The following CCDC178 variants were observed in gnomAD, a reference collection of about 807,000 sequenced individuals.
The protein encoded by CCDC178 is coiled-coil domain containing 178.
CCDC178 carries 126 observed loss-of-function variants against 117.4 expected under a neutral mutation model. The ratio of observed to expected loss-of-function variants is 1.07; its 90% CI spans 0.93 to 1.24. The LOEUF (loss-of-function observed/expected upper bound fraction) is 1.24. CCDC178 is among the 50% of genes most tolerant of loss of function. CCDC178 has a pLI of 0.00. For synonymous variants in CCDC178, 283 were observed against 313.4 expected, an observed-to-expected ratio of 0.90 and a Z score of 1.02; for missense variants, 1,030 against 986.9, an observed-to-expected ratio of 1.04 and a Z score of -0.59.
chr18:33,368,088 T>G (rs1256296059), intron 6 of CCDC178, among the ~76,000 whole-genome samples: 1 of 152,020 alleles, frequency 6.6e-6, no homozygotes, highest in Non-Finnish European at 1.5e-5. Flanking sequence ...TGGAGTCAGA[T>G]GGAACTAAGT....
chr18:32,967,151 C>T (rs1367038863), intron 22 of CCDC178, among the ~76,000 whole-genome samples: 1 of 151,600 alleles, frequency 6.6e-6, no homozygotes, highest in Admixed American at 6.6e-5. Context: ...CTCCCTTAAT[C>T]TGTGTTTATA....
intron 12 of CCDC178, among the ~76,000 whole-genome samples, chr18:33,285,969 AT>A (rs1285332559): frequency 8.4e-6 from 1 of 119,462 alleles, no homozygotes; most frequent in Non-Finnish European, 1.6e-5. Flanking sequence ...AAAATTAGCA[AT>A]GTGTATTTTT....
chr18:33,269,654 G>A lies in CCDC178; in HGVS notation c.1177-2357C>T, dbSNP rs534585227. 2.0e-5 allele frequency among the ~76,000 whole-genome samples: 3 copies of A among 151,880 alleles called. No homozygotes were observed. The South Asian group carries it at 6.2e-4, about 32-fold the overall frequency. On this transcript the variant is annotated intron_variant, in intron 12 of 22. Coordinates refer to ENST00000383096, the MANE Select transcript of CCDC178 (RefSeq NM_001105528.4). ...CCTCAGCTGAGAAGAGACTTCATGG[G>A]CTGCACATGAGAAAGACAACAGACT...
intron 3 of CCDC178, among the ~76,000 whole-genome samples, chr18:33,403,307 TAG>T (rs1435583473): frequency 1.3e-5 from 2 of 152,130 alleles, no homozygotes; most frequent in African/African-American, 2.4e-5. Context: ...GCCAACTGGA[TAG>T]AGATTTCAGT....
chr18:33,351,004 G>A (rs916258805), intron 7 of CCDC178, among the ~76,000 whole-genome samples: 1 of 152,032 alleles, frequency 6.6e-6, no homozygotes, highest in Admixed American at 6.5e-5. Flanking sequence ...TAAACTAAGG[G>A]TTTCTCATAA....
intron 20 of CCDC178, among the ~76,000 whole-genome samples, chr18:33,108,613 T>A (rs964716449): frequency 6.6e-6 from 1 of 151,646 alleles, no homozygotes; most frequent in African/African-American, 2.4e-5. Context: ...TTGTTGATTA[T>A]ATTTTAAAGG....
Position 33,284,805 on chromosome 18 carries a change from T to C in CCDC178, c.1176+8354A>G, listed in dbSNP as rs557626999. On this transcript the variant is annotated intron_variant, in intron 12 of 22. Coordinates refer to ENST00000383096, the MANE Select transcript of CCDC178 (RefSeq NM_001105528.4). ...GGGGCAGATCCCGACTGGAATAATC[T>C]TATGTGAGAACGCAAGGAGAGAAAT... Among the ~76,000 whole-genome samples, 6 of 152,242 alleles carry C rather than the reference T, an allele frequency of 3.9e-5. No individual in the cohort carries two copies. The South Asian group carries it at 1.2e-3, about 32-fold the overall frequency.
Position 33,059,930 on chromosome 18 carries a change from T to A in CCDC178, c.2388+32831A>T, listed in dbSNP as rs76586682. 4.6e-5 allele frequency among the ~76,000 whole-genome samples: 7 copies of A among 152,316 alleles called. No individual in the cohort carries two copies. In the East Asian group the frequency reaches 1.3e-3, roughly 29 times the overall value. On this transcript the variant is annotated intron_variant, in intron 21 of 22. Transcript: ENST00000383096. ...TTCTTCCTGATTTGCTTTATGTAAG[T>A]CTCCATGTCTTTGACTCTCCTTTCC... is the stretch of plus-strand genomic sequence containing the variant.
intron 12 of CCDC178, among the ~76,000 whole-genome samples, chr18:33,287,210 ATCT>A (rs111807973): frequency 2.0e-5 from 3 of 152,316 alleles, no homozygotes; most frequent in African/African-American, 7.2e-5. Context: ...GGCAGCACAA[ATCT>A]TCTATTTTTC....
intron 9 of CCDC178, among the ~76,000 whole-genome samples, chr18:33,337,887 A>G (rs1176061814): frequency 6.6e-6 from 1 of 152,208 alleles, no homozygotes; most frequent in Non-Finnish European, 1.5e-5. Context: ...AGCAAACGCA[A>G]CAAAAACAAA....
chr18:33,113,403 G>T (rs1212402095), intron 20 of CCDC178, among the ~76,000 whole-genome samples: 1 of 151,890 alleles, frequency 6.6e-6, no homozygotes, highest in African/African-American at 2.4e-5. Flanking sequence ...ATAATTTTAG[G>T]ATAAGCTGGG....
intron 14 of CCDC178, among the ~76,000 whole-genome samples, chr18:33,255,453 A>G (rs1244895109): frequency 6.6e-6 from 1 of 152,082 alleles, no homozygotes; most frequent in Non-Finnish European, 1.5e-5. Context: ...TAGTGTTCCC[A>G]TCATGAGACA....
intron 21 of CCDC178, among the ~76,000 whole-genome samples, chr18:33,042,708 C>T (rs1390662113): frequency 1.3e-5 from 2 of 151,810 alleles, no homozygotes; most frequent in Non-Finnish European, 2.9e-5. Flanking sequence ...AGAAAATGCA[C>T]TGAAAAATTA....
chr18:33,159,533 G>A (rs1021101935), intron 20 of CCDC178, among the ~76,000 whole-genome samples: 11 of 152,074 alleles, frequency 7.2e-5, no homozygotes, highest in African/African-American at 2.2e-4. Flanking sequence ...CCCAAATCAC[G>A]TCTCACTTTC....
intron 6 of CCDC178, among the ~76,000 whole-genome samples, chr18:33,356,746 T>C (rs1437550304): frequency 1.3e-5 from 2 of 152,166 alleles, no homozygotes; most frequent in Non-Finnish European, 2.9e-5. Flanking sequence ...GATTCTGATA[T>C]AGCATCACAT....
At chr18:33,262,377 C>T (rs2059761327) in intron 14 of CCDC178, among the ~76,000 whole-genome samples, 2 of 151,950 alleles carry the variant, frequency 1.3e-5, no homozygotes, top group Non-Finnish European at 2.9e-5. Flanking sequence ...ACCCTCCAAC[C>T]TTCCTTTTTT....
chr18:33,179,078 A>AAAAAAAATAT (rs71159804), intron 20 of CCDC178, among the ~76,000 whole-genome samples: 2 of 55,824 alleles, frequency 3.6e-5, no homozygotes, highest in African/African-American at 1.1e-4. Context: ...AAAAAAAAAA[A>AAAAAAAATAT]ATATATATAT....
At chr18:33,138,452 T>C (rs1010746306) in intron 20 of CCDC178, among the ~76,000 whole-genome samples, 5 of 152,102 alleles carry the variant, frequency 3.3e-5, no homozygotes, top group Admixed American at 2.6e-4. Context: ...GCCGCCTCCA[T>C]ACAACAGTAG....
chr18:33,301,317 G>A (rs746579052), intron 11 of CCDC178, among the ~76,000 whole-genome samples: 1 of 152,220 alleles, frequency 6.6e-6, no homozygotes, highest in African/African-American at 2.4e-5. Context: ...GTGGGCCCAG[G>A]CAGAAGCCTG....
Sources: gnomAD v4.1 joint callset for allele counts (sites outside exome capture counted in the v4.1 genomes callset) on GRCh38, gnomAD v4.1.1 for gene constraint, MANE v1.5 for transcripts, NCBI Gene and HGNC (gene_info 2026-07-23, HGNC 2026-07-21) for gene names.